PDCD7: variants seen among roughly 807,000 people sequenced by gnomAD.
The protein encoded by PDCD7 is programmed cell death protein 7.
A neutral mutation model predicts 42.1 loss-of-function variants in PDCD7; 40 were observed. That is an observed-to-expected ratio of 0.95 (90% confidence interval 0.74 to 1.24). PDCD7 has a LOEUF of 1.24. Ranked by LOEUF, PDCD7 falls within the 50% of genes most tolerant of loss-of-function variation. The probability of loss-of-function intolerance (pLI) is 0.00; values close to 1 mark genes in which losing one functional copy is unlikely to be tolerated. For synonymous variants in PDCD7, 299 were observed against 303.3 expected (o/e 0.99, Z 0.15); for missense variants, 644 against 662.8 (o/e 0.97, Z 0.31).
In PDCD7 at chr15:65,133,758, G is replaced by A; in HGVS notation, c.24C>T (p.Gly8=). 7.5e-7 allele frequency: 1 copy of A among 1,336,376 alleles called. No individual in the cohort carries two copies. Among genetic ancestry groups the A allele is most frequent in the South Asian group, 2.2e-5 (1 of 45,544 alleles). The allele number at this position is 1,336,376 out of a possible 1,614,324, so 82.8% of individuals were successfully genotyped here. A position where few individuals can be genotyped will look rare whatever the true frequency, so the allele number is the denominator to read the frequency against. The part of the protein sequence containing the change: MALPPFF[G]QGRPGPPPPQ... The stretch of plus-strand genomic sequence containing the variant: ...GGGGCGGTGGGCCTGGGCGACCCTG[G>A]CCGAAGAATGGTGGCAGGGCCATGT... Residue 8 remains glycine, a synonymous_variant, in exon 1 of 5, where the codon GGC becomes GGT. Transcript: ENST00000204549.
chr15:65,133,086 C>G lies in PDCD7; in HGVS notation c.696G>C (p.Val232=). 1 of 1,566,892 alleles carries G rather than the reference C, an allele frequency of 6.4e-7. No individual in the cohort carries two copies. Among genetic ancestry groups the G allele is most frequent in the African/African-American group, 1.3e-5 (1 of 74,208 alleles). Residue 232 remains valine, a synonymous_variant, in exon 1 of 5, where the codon GTG becomes GTC. Coordinates refer to ENST00000204549, the MANE Select transcript of PDCD7 (RefSeq NM_005707.2). ...RLQPLTQAAY[V]GEARRRLERV... ...TCTCCAGCCTCCTCCGCGCCTCGCC[C>G]ACATAGGCAGCCTGGGTCAACGGCT...
At chr15:65,130,857 A>G (rs2087534541) in intron 1 of PDCD7, among the ~76,000 whole-genome samples, 1 of 152,056 alleles carries the variant, frequency 6.6e-6, no homozygotes, top group South Asian at 2.1e-4. Context: ...AAAAAAAAAA[A>G]GACTCAGCTT....
Position 65,119,860 on chromosome 15 carries a change from A to G in PDCD7, c.1104T>C (p.Ala368=). 6.2e-7 allele frequency: 1 copy of G among 1,613,990 alleles called. No individual in the cohort carries two copies. The highest frequency in any genetic ancestry group is 1.3e-5 in the African/African-American group (1 of 74,968). The part of the protein sequence containing the change: ...LIKKRSELYE[A]EERALRVMLE... The stretch of plus-strand genomic sequence containing the variant: ...GCATAACTCTGAGGGCTCTCTCTTC[A>G]GCTTCATACAGTTCAGAGCGCTTTT... Residue 368 remains alanine (A), a synonymous_variant, in exon 3 of 5, where the codon GCT becomes GCC. Coordinates refer to ENST00000204549, the MANE Select transcript of PDCD7 (RefSeq NM_005707.2).
intron 4 of PDCD7, 36 bp downstream of exon 4, chr15:65,119,340 A>G (rs1384802104): frequency 6.9e-7 from 1 of 1,450,538 alleles, no homozygotes; most frequent in South Asian, 1.1e-5. Context: ...CCTGCTACCT[A>G]AGAGAAAGAC....
At chr15:65,121,172 C>T (rs1173654960) in intron 2 of PDCD7, among the ~76,000 whole-genome samples, 1 of 151,508 alleles carries the variant, frequency 6.6e-6, no homozygotes, top group African/African-American at 2.4e-5. Flanking sequence ...ATTCTCCTGA[C>T]TCAGCCTCCT....
At chr15:65,118,868 T>C (rs768712709) in intron 4 of PDCD7, 28 bp from the exon 5 acceptor site, 1 of 1,485,228 alleles carries the variant, frequency 6.7e-7, no homozygotes, top group Admixed American at 2.3e-5. Context: ...AGAACAACTA[T>C]TTATTTCTGT....
intron 4 of PDCD7, chr15:65,119,147 C>T: frequency 2.0e-6 from 1 of 489,346 alleles, no homozygotes; most frequent in Non-Finnish European, 3.6e-6. Flanking sequence ...GAGTTTTTTT[C>T]TTCACCTATA....
intron 1 of PDCD7, among the ~76,000 whole-genome samples, chr15:65,129,605 T>C (rs2087523445): frequency 6.6e-6 from 1 of 152,232 alleles, no homozygotes. Flanking sequence ...TGACAACCTA[T>C]GTTTGTGTTC....
intron 1 of PDCD7, among the ~76,000 whole-genome samples, chr15:65,129,575 C>T (rs1250235396): frequency 6.6e-6 from 1 of 152,208 alleles, no homozygotes. Context: ...AAGGCTGAGA[C>T]CTCTACAAAG....
Position 65,119,918 on chromosome 15 carries a change from G to C in PDCD7, c.1046C>G (p.Thr349Arg). 6.2e-7 allele frequency: 1 copy of C among 1,614,014 alleles called. No homozygotes were observed. The highest frequency in any genetic ancestry group is 8.5e-7 in the Non-Finnish European group (1 of 1,180,008). The change falls in exon 3 of 5, where the codon ACG becomes AGG. Residue 349 changes from threonine to arginine, a missense_variant. Transcript: ENST00000204549. ...TTTTCTCAGTCGCTGAAGATGATGC[G>C]TAAAAGTCTCATCTGCTGAGGCTGG... The part of the protein sequence containing the change: ...CPPASADETF[T>R]HHLQRLRKLI...
In PDCD7 at chr15:65,132,230, G is replaced by A. The variant is rs1254374572; in HGVS notation, c.870+682C>T. Among the ~76,000 whole-genome samples the A allele has an allele frequency of 3.3e-5, 5 of 151,060 alleles. No individual in the cohort carries two copies. In the South Asian group the frequency reaches 8.4e-4, roughly 25 times the overall value. On this transcript the variant is annotated intron_variant, in intron 1 of 4. Transcript: ENST00000204549. The stretch of plus-strand genomic sequence containing the variant: ...AAAGAATCCTAGGGAAATCACTATT[G>A]CCCCATCAGCTAATTAGAGTATATA...
chr15:65,131,725 G>A (rs1245004195), intron 1 of PDCD7, among the ~76,000 whole-genome samples: 1 of 151,938 alleles, frequency 6.6e-6, no homozygotes, highest in African/African-American at 2.4e-5. Context: ...CTCCAGCCTG[G>A]GCAACAAGAG....
At chr15:65,128,890 C>T in intron 2 of PDCD7, 142 bp downstream of exon 2, 2 of 923,030 alleles carry the variant, frequency 2.2e-6, no homozygotes, top group East Asian at 2.4e-5. Context: ...AAGTTCTGAC[C>T]TACTTGCTGA....
At chr15:65,124,646 G>C (rs1371202225) in intron 2 of PDCD7, among the ~76,000 whole-genome samples, 3 of 151,986 alleles carry the variant, frequency 2.0e-5, no homozygotes, top group Non-Finnish European at 2.9e-5. Flanking sequence ...AAAACTTTCT[G>C]CCTCTTAAAT....
In PDCD7 at chr15:65,133,594, T is replaced by C; in HGVS notation, c.188A>G (p.Gln63Arg). The change falls in exon 1 of 5, where the codon CAG (glutamine) becomes CGG (arginine). Residue 63 changes from glutamine to arginine, a missense_variant. Gln to Arg is a conservative substitution (Grantham distance 43, BLOSUM62 1). Transcript: ENST00000204549. ...APFLQPPLAL[Q>R]PRASAEASRG... ...GGAGGCCTCCGCGGAGGCTCGGGGCTGCAGAGCCAGCGGAGGCTGAAGGAA... is the reference window on the plus strand; with the variant it reads ...GGAGGCCTCCGCGGAGGCTCGGGGCCGCAGAGCCAGCGGAGGCTGAAGGAA... The C allele has an allele frequency of 8.1e-7, 1 of 1,235,768 alleles. No individual in the cohort carries two copies. Among genetic ancestry groups the C allele is most frequent in the Non-Finnish European group, 1.0e-6 (1 of 989,252 alleles). The allele number at this position is 1,235,768 out of a possible 1,614,324, so 76.6% of individuals were successfully genotyped here.
intron 1 of PDCD7, among the ~76,000 whole-genome samples, chr15:65,130,481 AAAAT>A (rs1386266559): frequency 2.0e-5 from 3 of 152,094 alleles, no homozygotes; most frequent in African/African-American, 4.8e-5. Flanking sequence ...TTAAAACAAT[AAAAT>A]AAATAAAATA....
chr15:65,131,319 A>G (rs1314673454), intron 1 of PDCD7, among the ~76,000 whole-genome samples: 1 of 152,226 alleles, frequency 6.6e-6, no homozygotes, highest in African/African-American at 2.4e-5. Context: ...TAGTTGCAGG[A>G]AAACAATCTC....
chr15:65,123,002 C>CAA (rs537382444), intron 2 of PDCD7, among the ~76,000 whole-genome samples: 7 of 129,668 alleles, frequency 5.4e-5, no homozygotes, highest in Non-Finnish European at 1.0e-4. Context: ...AACTCTGTCT[C>CAA]AAAAAAAAAA....
At position 65,133,771 on chromosome 15, in the gene PDCD7, G is replaced by A. The variant is rs766690367; in HGVS notation, c.11C>T (p.Pro4Leu). 3.0e-6 allele frequency: 4 copies of A among 1,355,210 alleles called. No homozygotes were observed. Among genetic ancestry groups the A allele is most frequent in the Non-Finnish European group, 3.8e-6 (4 of 1,051,720 alleles). 83.9% of individuals were successfully genotyped at this position (1,355,210 alleles called of 1,614,324 possible). The stretch of plus-strand genomic sequence containing the variant: ...TGGGCGACCCTGGCCGAAGAATGGT[G>A]GCAGGGCCATGTTCACGACGGAGAT... Reference protein sequence around the residue: MALPPFFGQGRPGP... With the variant: MALLPFFGQGRPGP... The change falls in exon 1 of 5, where the codon CCA (proline) becomes CTA (leucine). Residue 4 changes from proline (P) to leucine (L), a missense_variant. Coordinates refer to ENST00000204549, the MANE Select transcript of PDCD7 (RefSeq NM_005707.2).
Sources: allele counts gnomAD v4.1 joint callset (sites outside exome capture counted in the v4.1 genomes callset), GRCh38; gene constraint gnomAD v4.1.1; transcripts MANE v1.5; gene names NCBI Gene and HGNC (gene_info 2026-07-23, HGNC 2026-07-21).